TTYH1: variants seen among roughly 807,000 people sequenced by gnomAD.
The protein encoded by TTYH1 is protein tweety homolog 1.
A neutral mutation model predicts 61.2 loss-of-function variants in TTYH1; 33 were observed. That is an observed-to-expected ratio of 0.54 (90% CI 0.41 to 0.72). The LOEUF (loss-of-function observed/expected upper bound fraction) is 0.72. Among genes scored for constraint, TTYH1 ranks in the 30% least tolerant of loss-of-function variants. The pLI is 0.00. For synonymous variants in TTYH1, 308 were observed against 266.4 expected, an observed-to-expected ratio of 1.16 and a Z score of -1.52; for missense variants, 538 against 575.8, an observed-to-expected ratio of 0.93 and a Z score of 0.67.
chr19:54,417,025 G>C (rs961217238), intron 1 of TTYH1: 4 of 1,142,556 alleles, frequency 3.5e-6, no homozygotes, highest in Non-Finnish European at 3.3e-6. Flanking sequence ...GAGGGCAAGG[G>C]GGACCCCTGC....
rs199852494 is a variant in TTYH1 at position 54,421,233 on chromosome 19, G to A, written c.306-44G>A. On this transcript the variant is annotated intron_variant, in intron 2 of 13. Transcript: ENST00000376530. The surrounding 1 kb of genome is among the most constrained non-coding windows in gnomAD (Gnocchi z 4.8). ...GTGGGAGGGGACGGTGGCCCCCGGG[G>A]TCCTGGGACCCGCTGAGATTCCTCT... 1.4e-6 allele frequency: 2 copies of A among 1,392,528 alleles called. No homozygotes were observed. The highest frequency in any genetic ancestry group is 1.2e-5 in the South Asian group (1 of 86,634). The allele number at this position is 1,392,528 out of a possible 1,614,324, so 86.3% of individuals were successfully genotyped here.
chr19:54,429,931 C>T lies in TTYH1; in HGVS notation c.857C>T (p.Thr286Ile). ...CCAGACCCTTATGTTCTGAACCTGA[C>T]CCAGGAGGAGACAGGGCTCAGCTCA... Reference protein sequence around the residue: ...SNPDPYVLNLTQEETGLSSDI... With the variant: ...SNPDPYVLNLIQEETGLSSDI... The change falls in exon 7 of 14, where the codon ACC becomes ATC. Residue 286 changes from threonine (T) to isoleucine (I), a missense_variant. Physicochemically the swap from Thr to Ile is moderately conservative, Grantham distance 89. Coordinates refer to ENST00000376530, the MANE Select transcript of TTYH1 (RefSeq NM_020659.4). This position sits in a 1 kb window ranked among gnomAD's most constrained non-coding sequence, Gnocchi z 5.1. 1 of 1,613,984 alleles carries T rather than the reference C, an allele frequency of 6.2e-7. No individual in the cohort carries two copies. The highest frequency in any genetic ancestry group is 8.5e-7 in the Non-Finnish European group (1 of 1,179,906).
chr19:54,422,084 G>A, intron 3 of TTYH1, 106 bp from the exon 4 acceptor site: 1 of 885,222 alleles, frequency 1.1e-6, no homozygotes, highest in Non-Finnish European at 1.7e-6. Context: ...CCAGATCTCA[G>A]ACACCCGCTA....
rs756286161 is a variant in TTYH1, at chr19:54,422,220, G to C, written c.448G>C (p.Ala150Pro). The C allele has an allele frequency of 6.4e-7, 1 of 1,565,406 alleles. No individual in the cohort carries two copies. The highest frequency in any genetic ancestry group is 1.9e-5 in the Admixed American group (1 of 51,936). Residue 150 changes from alanine to proline, a missense_variant, in exon 4 of 14, where the codon GCG (alanine) becomes CCG (proline). Coordinates refer to ENST00000376530, the MANE Select transcript of TTYH1 (RefSeq NM_020659.4). ...GGAGACGGTGGAGAGGCTGGGCGAG[G>C]CGGTGAGGACAGAGCTGACCACCCT... ...VLETVERLGEAVRTELTTLEE... is the reference protein window; with the variant it reads ...VLETVERLGEPVRTELTTLEE...
Position 54,429,261 on chromosome 19 carries a change from C to A in TTYH1, c.735-46C>A. On this transcript the variant is annotated intron_variant, in intron 5 of 13. Coordinates refer to ENST00000376530, the MANE Select transcript of TTYH1 (RefSeq NM_020659.4). The surrounding 1 kb of genome is among the most constrained non-coding windows in gnomAD (Gnocchi z 5.1). ...ATTTGGGGTGTGGAAAGAGGCTAGGCTAGGAGATTAAGAACCCCGGGCTGA... is the reference window on the plus strand; with the variant it reads ...ATTTGGGGTGTGGAAAGAGGCTAGGATAGGAGATTAAGAACCCCGGGCTGA... 1 of 1,574,106 alleles carries A rather than the reference C, an allele frequency of 6.4e-7. No homozygotes were observed. Among genetic ancestry groups the A allele is most frequent in the Non-Finnish European group, 8.7e-7 (1 of 1,143,734 alleles).
chr19:54,430,739 G>T, intron 8 of TTYH1, 74 bp from the exon 9 acceptor site: 1 of 1,583,846 alleles, frequency 6.3e-7, no homozygotes. Context: ...CCCGAGTGCT[G>T]TGTCCGGAGG....
At chr19:54,435,744 C>T (rs1277071973) in intron 11 of TTYH1, 60 bp downstream of exon 11, 1 of 1,611,518 alleles carries the variant, frequency 6.2e-7, no homozygotes, top group African/African-American at 1.3e-5. Flanking sequence ...CACCTGGGGA[C>T]CACGGTGGCA....
At chr19:54,423,945 G>A (rs12974265) in intron 4 of TTYH1, among the ~76,000 whole-genome samples, 1 of 152,106 alleles carries the variant, frequency 6.6e-6, no homozygotes, top group East Asian at 1.9e-4. Flanking sequence ...GGCGGATCAC[G>A]AGGTCAAGAG....
rs2083545153 is a variant in TTYH1, at chr19:54,436,073, C to T, written c.1315-18C>T. 5.0e-6 allele frequency: 8 copies of T among 1,613,208 alleles called. No individual in the cohort carries two copies. The highest frequency in any genetic ancestry group is 6.8e-6 in the Non-Finnish European group (8 of 1,179,270). ...CTCCATTCCCTCCTCTCCCCCGCTA[C>T]CCCGAATCTCCTAGCAGGAATCCAA... is the stretch of plus-strand genomic sequence containing the variant. On this transcript the variant is annotated intron_variant, in intron 12 of 13. Transcript: ENST00000376530. The surrounding 1 kb of genome is among the most constrained non-coding windows in gnomAD (Gnocchi z 4.3).
At chr19:54,422,057 C>A (rs558742818) in intron 3 of TTYH1, 133 bp from the exon 4 acceptor site, 118 of 698,628 alleles carry the variant, frequency 1.7e-4, no homozygotes, top group Non-Finnish European at 2.3e-4. Flanking sequence ...TTACTCAATC[C>A]TCAGATGTCC....
In TTYH1 at chr19:54,431,496, TTCTCTCC is replaced by T. The variant is rs973443465; in HGVS notation, c.1125+313_1125+319del. On this transcript the variant is annotated intron_variant, in intron 10 of 13. Transcript: ENST00000376530. ...TCCTGCCACCTTTTCCTTCCTTGTC[TTCTCTCC>T]TCTCTCCGTCCTCCTGCCTCTCCCT... 1.4e-5 allele frequency: 6 copies of T among 435,866 alleles called. No individual in the cohort carries two copies. The Admixed American group carries it at 2.5e-4, about 18-fold the overall frequency. 27.0% of individuals were successfully genotyped at this position (435,866 alleles called of 1,614,324 possible). A position where few individuals can be genotyped will look rare whatever the true frequency, so the allele number is the denominator to read the frequency against.
rs115777949 is a variant in TTYH1, at chr19:54,421,343, T to C, written c.372T>C (p.Ser124=). ...GTGATGGGGTGTCCCAGCTCAGCTC[T>C]GCGCTGCTGCACGCCAACCACACAC... ...ETSDGVSQLS[S]ALLHANHTLS... The change falls in exon 3 of 14, where the codon TCT becomes TCC. Residue 124 remains serine, a synonymous_variant. Transcript: ENST00000376530. This position sits in a 1 kb window ranked among gnomAD's most constrained non-coding sequence, Gnocchi z 4.8. The C allele has an allele frequency of 1.9e-3, 2,997 of 1,613,920 alleles. 38 individuals carry two copies. In the African/African-American group the frequency reaches 0.033, roughly 18 times the overall value.
At chr19:54,418,423 C>G (rs1156830197) in intron 1 of TTYH1, 1 of 152,744 alleles carries the variant, frequency 6.5e-6, no homozygotes, top group African/African-American at 2.4e-5. Context: ...CTGACTCATG[C>G]CCGAACCTTG....
chr19:54,422,878 G>A (rs1383734043), intron 4 of TTYH1, among the ~76,000 whole-genome samples: 2 of 140,328 alleles, frequency 1.4e-5, no homozygotes, highest in African/African-American at 2.7e-5. Flanking sequence ...GCAGTGAGCC[G>A]AGATTTCACC....
At chr19:54,430,641 G>A (rs764335729) in intron 8 of TTYH1, 36 bp downstream of exon 8, 8 of 1,555,910 alleles carry the variant, frequency 5.1e-6, no homozygotes, top group Non-Finnish European at 7.1e-6. Context: ...GGTGTTGAGG[G>A]AGCCAGAAAT....
At chr19:54,431,533 C>A in intron 10 of TTYH1, 1 of 359,814 alleles carries the variant, frequency 2.8e-6, no homozygotes. Context: ...CTCCCTCCCT[C>A]CTAGAGGCTG....
At chr19:54,431,863 T>A (rs994925198) in intron 10 of TTYH1, 1 of 151,950 alleles carries the variant, frequency 6.6e-6, no homozygotes, top group African/African-American at 2.4e-5. Flanking sequence ...GGACGAGTTT[T>A]TTTTGTTTGT....
At position 54,429,155 on chromosome 19, in the gene TTYH1, C is replaced by T; in HGVS notation, c.735-152C>T. ...GACATCAGCAGCCACTGGCCTACCC[C>T]CAACCACTGAACTTGTGTTTCCCTA... On this transcript the variant is annotated intron_variant, in intron 5 of 13. Transcript: ENST00000376530. This position sits in a 1 kb window ranked among gnomAD's most constrained non-coding sequence, Gnocchi z 5.1. 1.4e-6 allele frequency: 1 copy of T among 709,532 alleles called. No individual in the cohort carries two copies. Among genetic ancestry groups the T allele is most frequent in the South Asian group, 1.7e-5 (1 of 57,228 alleles). The allele number at this position is 709,532 out of a possible 1,614,324, so 44.0% of individuals were successfully genotyped here. A position where few individuals can be genotyped will look rare whatever the true frequency, so the allele number is the denominator to read the frequency against.
chr19:54,418,908 C>G (rs2083143974), intron 1 of TTYH1, among the ~76,000 whole-genome samples: 2 of 152,204 alleles, frequency 1.3e-5, no homozygotes, highest in African/African-American at 4.8e-5. Context: ...CTTGGGGCCC[C>G]CAGTTGGAAG....
Sources: allele counts gnomAD v4.1 joint callset (sites outside exome capture counted in the v4.1 genomes callset), GRCh38; gene constraint gnomAD v4.1.1; non-coding constraint Gnocchi (gnomAD v3.1); transcripts MANE v1.5; gene names NCBI Gene and HGNC (gene_info 2026-07-23, HGNC 2026-07-21).